TMEM132C: variants seen among roughly 807,000 people sequenced by gnomAD.
TMEM132C encodes transmembrane protein 132C, also known as protein phosphatase 1, regulatory subunit 152.
Under a neutral mutation model 61.4 loss-of-function variants are expected in TMEM132C, and 29 were observed. That is an observed-to-expected ratio of 0.47 (90% CI 0.35 to 0.64). TMEM132C has a LOEUF of 0.64. TMEM132C is among the 30% of genes least tolerant of loss of function. The pLI, the probability that TMEM132C is intolerant of heterozygous loss-of-function variation, is 0.00. For synonymous variants in TMEM132C, 656 were observed against 633.1 expected, an observed-to-expected ratio of 1.04 and a Z score of -0.54; for missense variants, 1,408 against 1,476.9, an observed-to-expected ratio of 0.95 and a Z score of 0.76.
chr12:128,587,953 G>A (rs1055176740), intron 3 of TMEM132C, among the ~76,000 whole-genome samples: 1 of 152,182 alleles, frequency 6.6e-6, no homozygotes, highest in African/African-American at 2.4e-5. Context: ...AAGGATAATA[G>A]TAATAAAAAT....
intron 3 of TMEM132C, among the ~76,000 whole-genome samples, chr12:128,583,686 G>A (rs913565892): frequency 9.9e-5 from 15 of 152,188 alleles, no homozygotes; most frequent in African/African-American, 3.1e-4. Context: ...CTCTCTCAAC[G>A]TGTGCTGAGT....
chr12:128,304,580 G>A (rs1871700109), intron 1 of TMEM132C, among the ~76,000 whole-genome samples: 2 of 152,032 alleles, frequency 1.3e-5, no homozygotes, highest in East Asian at 3.9e-4. Flanking sequence ...CTGCACTCCA[G>A]CCTGGGTGAC....
chr12:128,667,092 TAGATAG>T (rs955598150), intron 4 of TMEM132C, among the ~76,000 whole-genome samples: 33 of 152,172 alleles, frequency 2.2e-4, no homozygotes, highest in East Asian at 9.6e-4. Context: ...GATACAGATA[TAGATAG>T]AGATAGAGAT....
At chr12:128,553,875 A>G (rs1593098065) in intron 3 of TMEM132C, among the ~76,000 whole-genome samples, 2 of 152,216 alleles carry the variant, frequency 1.3e-5, no homozygotes, top group East Asian at 3.8e-4. Context: ...GGAGCCAGGA[A>G]TGGCCTGCGG....
intron 2 of TMEM132C, among the ~76,000 whole-genome samples, chr12:128,460,351 CACAGGGTA>C (rs1307088727): frequency 6.6e-6 from 1 of 152,210 alleles, no homozygotes; most frequent in Non-Finnish European, 1.5e-5. Flanking sequence ...AGCCTCTCCT[CACAGGGTA>C]GCCAGGTGGC....
chr12:128,668,622 G>A (rs576607936), intron 4 of TMEM132C, among the ~76,000 whole-genome samples: 29 of 152,300 alleles, frequency 1.9e-4, no homozygotes, highest in African/African-American at 5.1e-4. Flanking sequence ...CTGATGCTGC[G>A]ATGACAAATT....
Position 128,394,245 on chromosome 12 carries a change from G to A in TMEM132C, c.86-20487G>A, listed in dbSNP as rs537658930. On this transcript the variant is annotated intron_variant, in intron 1 of 8. Coordinates refer to ENST00000435159, the MANE Select transcript of TMEM132C (RefSeq NM_001136103.3). ...TACCCCCATGCTTCAATTATCTCCC[G>A]CCAGGTCCCCCCAACAACATATGGA... 5.3e-4 allele frequency among the ~76,000 whole-genome samples: 80 copies of A among 151,994 alleles called. No individual in the cohort carries two copies. The Middle Eastern group carries it at 0.014, about 26-fold the overall frequency.
chr12:128,431,680 G>A (rs573756791), intron 2 of TMEM132C, among the ~76,000 whole-genome samples: 1 of 150,176 alleles, frequency 6.7e-6, no homozygotes, highest in African/African-American at 2.4e-5. Flanking sequence ...TCTGCCTGCC[G>A]AGGAGTTGGG....
chr12:128,622,973 A>G (rs2135588818), intron 4 of TMEM132C, among the ~76,000 whole-genome samples: 2 of 152,306 alleles, frequency 1.3e-5, no homozygotes, highest in East Asian at 3.9e-4. Flanking sequence ...GGACAGAATA[A>G]GTATTTTCTT....
chr12:128,489,874 C>T (rs1871652363), intron 2 of TMEM132C, among the ~76,000 whole-genome samples: 1 of 152,068 alleles, frequency 6.6e-6, no homozygotes, highest in Admixed American at 6.6e-5. Flanking sequence ...TTTACAACAT[C>T]CTGAAATATA....
At chr12:128,389,481 G>A (rs535195962) in intron 1 of TMEM132C, among the ~76,000 whole-genome samples, 21 of 152,102 alleles carry the variant, frequency 1.4e-4, no homozygotes, top group Non-Finnish European at 2.4e-4. Flanking sequence ...ACCCAACACC[G>A]CATGCCTGCA....
intron 1 of TMEM132C, among the ~76,000 whole-genome samples, chr12:128,401,623 G>A (rs1258009745): frequency 6.6e-6 from 1 of 152,156 alleles, no homozygotes; most frequent in East Asian, 1.9e-4. Flanking sequence ...CTCCACCCCA[G>A]TAGTTGCAAT....
At chr12:128,394,549 A>C (rs1428884104) in intron 1 of TMEM132C, among the ~76,000 whole-genome samples, 2 of 152,228 alleles carry the variant, frequency 1.3e-5, no homozygotes, top group Non-Finnish European at 1.5e-5. Context: ...GGGTACTCAC[A>C]AAGGAAAAAG....
At chr12:128,334,741 G>A (rs1422953686) in intron 1 of TMEM132C, among the ~76,000 whole-genome samples, 1 of 151,870 alleles carries the variant, frequency 6.6e-6, no homozygotes, top group Non-Finnish European at 1.5e-5. Context: ...GACTACAGGT[G>A]CCCGCCACCA....
chr12:128,346,569 A>C (rs543796096), intron 1 of TMEM132C, among the ~76,000 whole-genome samples: 31 of 152,118 alleles, frequency 2.0e-4, no homozygotes, highest in Non-Finnish European at 4.1e-4. Flanking sequence ...TGTCATCTCT[A>C]ATTTTTTTGA....
At chr12:128,684,545 C>A (rs562680440) in intron 5 of TMEM132C, among the ~76,000 whole-genome samples, 2 of 152,236 alleles carry the variant, frequency 1.3e-5, no homozygotes, top group Non-Finnish European at 2.9e-5. Context: ...AGCTCATTAG[C>A]GCTGCCAACC....
chr12:128,557,569 T>G (rs1446802309), intron 3 of TMEM132C, among the ~76,000 whole-genome samples: 1 of 152,092 alleles, frequency 6.6e-6, no homozygotes, highest in African/African-American at 2.4e-5. Flanking sequence ...CTGTTACTGG[T>G]CCTCAGACAG....
chr12:128,704,483 C>G (rs932007953), intron 8 of TMEM132C, among the ~76,000 whole-genome samples: 3 of 152,330 alleles, frequency 2.0e-5, no homozygotes, highest in South Asian at 2.1e-4. Context: ...CCAAGCAAAG[C>G]ATCTGCAATG....
At chr12:128,592,664 G>A (rs111933300) in intron 3 of TMEM132C, among the ~76,000 whole-genome samples, 2,781 of 152,348 alleles carry the variant, frequency 0.018, 74 homozygotes, top group African/African-American at 0.063. Context: ...CTGAGGGATG[G>A]CCTGTCAGAA....
Sources: gnomAD v4.1 joint callset for allele counts (sites outside exome capture counted in the v4.1 genomes callset) on GRCh38, gnomAD v4.1.1 for gene constraint, MANE v1.5 for transcripts, NCBI Gene and HGNC (gene_info 2026-07-23, HGNC 2026-07-21) for gene names.